Variants in TLE4 observed in about 807,000 individuals in gnomAD.
The protein encoded by TLE4 is TLE family member 4, transcriptional corepressor.
Under a neutral mutation model 92.8 loss-of-function variants are expected in TLE4, and 8 were observed. The observed-to-expected ratio is 0.09, with a 90% CI of 0.05 to 0.16. The LOEUF is 0.16. Ranked by LOEUF, TLE4 falls within the 10% of genes least tolerant of loss-of-function variation. The pLI is 1.00. For synonymous variants in TLE4, 371 were observed against 374.1 expected, an observed-to-expected ratio of 0.99 and a Z score of 0.10; for missense variants, 675 against 997.6, an observed-to-expected ratio of 0.68 and a Z score of 4.36.
intron 8 of TLE4, among the ~76,000 whole-genome samples, chr9:79,669,521 T>C (rs1045043054): frequency 2.6e-5 from 4 of 152,206 alleles, no homozygotes; most frequent in Admixed American, 6.5e-5. Flanking sequence ...CTATGTCTTT[T>C]TTTTTGGCCT....
At chr9:79,722,097 A>G (rs1156603994) in intron 17 of TLE4, among the ~76,000 whole-genome samples, 2 of 152,258 alleles carry the variant, frequency 1.3e-5, no homozygotes, top group Admixed American at 6.5e-5. Context: ...TGCGGGAGGC[A>G]GTGGTTGCAC....
chr9:79,642,564 T>G (rs1371180022), intron 6 of TLE4, among the ~76,000 whole-genome samples: 1 of 152,022 alleles, frequency 6.6e-6, no homozygotes, highest in Non-Finnish European at 1.5e-5. Flanking sequence ...GACTAAAAAT[T>G]TTTCTTAAGT....
At chr9:79,644,326 T>A (rs1363744017) in intron 6 of TLE4, among the ~76,000 whole-genome samples, 1 of 152,140 alleles carries the variant, frequency 6.6e-6, no homozygotes, top group African/African-American at 2.4e-5. Context: ...TGTGAGTCAA[T>A]CAAACCTCTT....
intron 4 of TLE4, among the ~76,000 whole-genome samples, chr9:79,607,655 T>C (rs1290552498): frequency 6.6e-6 from 1 of 152,168 alleles, no homozygotes; most frequent in East Asian, 1.9e-4. Context: ...CTTGTTTTTG[T>C]CAGGTTTGTC....
intron 4 of TLE4, among the ~76,000 whole-genome samples, chr9:79,593,696 G>A (rs1658466961): frequency 6.6e-6 from 1 of 152,270 alleles, no homozygotes; most frequent in Non-Finnish European, 1.5e-5. Context: ...TGCTGACCAG[G>A]CAGAGGCATC....
At chr9:79,618,018 A>G (rs2050068372) in intron 5 of TLE4, among the ~76,000 whole-genome samples, 1 of 152,180 alleles carries the variant, frequency 6.6e-6, no homozygotes, top group Admixed American at 6.5e-5. Flanking sequence ...AGGAATGGGC[A>G]AGTTATTTCC....
At chr9:79,659,788 A>C (rs1273601685) in intron 8 of TLE4, among the ~76,000 whole-genome samples, 2 of 152,170 alleles carry the variant, frequency 1.3e-5, no homozygotes, top group Non-Finnish European at 2.9e-5. Flanking sequence ...AAATAGAAGT[A>C]CTTAATATAT....
intron 4 of TLE4, among the ~76,000 whole-genome samples, chr9:79,587,523 T>C (rs1380317987): frequency 6.6e-6 from 1 of 152,236 alleles, no homozygotes; most frequent in Non-Finnish European, 1.5e-5. Context: ...CTCGGTACTA[T>C]AGGCATGCCA....
At chr9:79,646,359 A>G (rs1250916613) in intron 6 of TLE4, among the ~76,000 whole-genome samples, 1 of 152,214 alleles carries the variant, frequency 6.6e-6, no homozygotes, top group Non-Finnish European at 1.5e-5. Flanking sequence ...AGAGCAATCC[A>G]TTAGATTATG....
At chr9:79,652,187 T>C (rs2059124268) in intron 6 of TLE4, among the ~76,000 whole-genome samples, 1 of 152,012 alleles carries the variant, frequency 6.6e-6, no homozygotes, top group South Asian at 2.1e-4. Flanking sequence ...TTGGCTTTTT[T>C]CTTTTTCTTT....
rs188266042 is a variant in TLE4 at position 79,706,512 on chromosome 9, G to C, written c.784-235G>C. On this transcript the variant is annotated intron_variant, in intron 10 of 19. Transcript: ENST00000376552. ...CTCATTGACGTGCAATTTGCAGATG[G>C]GTGGGGTTTTGATTTTTCTTTGGGT... is the stretch of plus-strand genomic sequence containing the variant. Among the ~76,000 whole-genome samples, 5 of 151,320 alleles carry C rather than the reference G, an allele frequency of 3.3e-5. No individual in the cohort carries two copies. In the South Asian group the frequency reaches 1.0e-3, roughly 32 times the overall value.
At chr9:79,592,834 A>G (rs1202305000) in intron 4 of TLE4, among the ~76,000 whole-genome samples, 1 of 152,130 alleles carries the variant, frequency 6.6e-6, no homozygotes, top group African/African-American at 2.4e-5. Flanking sequence ...TATCCTTTTT[A>G]AGTTGAGAAA....
chr9:79,628,873 A>AGTGTGTGTGTGTGTGT (rs34212290), intron 6 of TLE4, among the ~76,000 whole-genome samples: 1 of 147,996 alleles, frequency 6.8e-6, no homozygotes, highest in East Asian at 2.0e-4. Flanking sequence ...TTTAAAGTTA[A>AGTGTGTGTGTGTGTGT]GTGTGTGTGT....
intron 4 of TLE4, among the ~76,000 whole-genome samples, chr9:79,577,547 ATC>A: frequency 6.6e-6 from 1 of 152,322 alleles, no homozygotes; most frequent in East Asian, 1.9e-4. Context: ...CTTAAACAAA[ATC>A]TGTTCAATCT....
Position 79,708,342 on chromosome 9 carries a change from G to C in TLE4, c.1069+92G>C, listed in dbSNP as rs1176401693. The C allele has an allele frequency of 2.8e-6, 4 of 1,423,444 alleles. No homozygotes were observed. The African/African-American group carries it at 4.3e-5, about 15-fold the overall frequency. The allele number at this position is 1,423,444 out of a possible 1,614,324, so 88.2% of individuals were successfully genotyped here. Reference sequence around the variant, plus strand: ...AGTACAGTACATTAAAAGTGCTAATGACCAGCATTGAATGGCTGTTAGACA... The same window carrying C: ...AGTACAGTACATTAAAAGTGCTAATCACCAGCATTGAATGGCTGTTAGACA... On this transcript the variant is annotated intron_variant, in intron 12 of 19. Coordinates refer to ENST00000376552, the MANE Select transcript of TLE4 (RefSeq NM_007005.6).
chr9:79,586,808 T>C (rs1277412346), intron 4 of TLE4, among the ~76,000 whole-genome samples: 2 of 152,332 alleles, frequency 1.3e-5, no homozygotes, highest in African/African-American at 4.8e-5. Flanking sequence ...TTAAAAAATT[T>C]TTTTATTTTT....
intron 7 of TLE4, 54 bp downstream of exon 7, chr9:79,652,848 T>G: frequency 6.4e-7 from 1 of 1,563,116 alleles, no homozygotes; most frequent in Non-Finnish European, 8.8e-7. Flanking sequence ...CTGCTGAGGG[T>G]AGGTTCTGGA....
intron 16 of TLE4, 50 bp downstream of exon 16, chr9:79,720,343 C>A (rs1364729965): frequency 6.4e-7 from 1 of 1,562,106 alleles, no homozygotes; most frequent in Admixed American, 1.7e-5. Flanking sequence ...CCGATTTTAC[C>A]ATATTTTGCC....
chr9:79,708,281 T>G (rs1379037648), intron 12 of TLE4, 31 bp downstream of exon 12: 1 of 1,608,724 alleles, frequency 6.2e-7, no homozygotes, highest in East Asian at 2.2e-5. Context: ...TTCTATATTT[T>G]TATGCTCGTT....
Sources: allele counts gnomAD v4.1 joint callset (sites outside exome capture counted in the v4.1 genomes callset), GRCh38; gene constraint gnomAD v4.1.1; transcripts MANE v1.5; gene names NCBI Gene and HGNC (gene_info 2026-07-23, HGNC 2026-07-21).